The following PAM variants were observed in gnomAD, a reference collection of about 807,000 sequenced individuals.
PAM encodes the protein peptidyl-glycine alpha-amidating monooxygenase.
In PAM, 72 loss-of-function variants were observed where a neutral mutation model predicts 122.1. The observed-to-expected ratio is 0.59, with a 90% CI of 0.49 to 0.72. The LOEUF is 0.72. Ranked by LOEUF, PAM falls within the 30% of genes least tolerant of loss-of-function variation. The probability of loss-of-function intolerance (pLI) is 0.00; values close to 1 mark genes in which losing one functional copy is unlikely to be tolerated. For synonymous variants in PAM, 389 were observed against 404.4 expected (o/e 0.96, Z 0.46); for missense variants, 1,106 against 1,183.7 (o/e 0.93, Z 0.96).
intron 5 of PAM, among the ~76,000 whole-genome samples, chr5:102,924,519 G>A (rs1748701826): frequency 6.6e-6 from 1 of 151,722 alleles, no homozygotes; most frequent in Admixed American, 6.6e-5. Context: ...TGTAGGCACT[G>A]TTTGTTGCTT....
chr5:102,909,688 T>C (rs577911624), intron 4 of PAM, among the ~76,000 whole-genome samples: 2 of 152,020 alleles, frequency 1.3e-5, no homozygotes, highest in East Asian at 3.9e-4. Context: ...GTTCCATAGG[T>C]AATAATTTAA....
chr5:103,020,900 G>C (rs145469008), intron 23 of PAM, among the ~76,000 whole-genome samples: 1 of 152,246 alleles, frequency 6.6e-6, no homozygotes, highest in East Asian at 1.9e-4. Flanking sequence ...AGAGATCCAA[G>C]TGACACTACT....
At chr5:102,836,859 C>CGAGAGA (rs57617414) in intron 1 of PAM, among the ~76,000 whole-genome samples, 10,786 of 120,624 alleles carry the variant, frequency 0.089, 861 homozygotes, top group African/African-American at 0.16. Context: ...AGAAAGAAAC[C>CGAGAGA]GAGAGAGAGA....
chr5:102,891,240 A>G (rs1461072409), intron 3 of PAM, among the ~76,000 whole-genome samples: 1 of 151,884 alleles, frequency 6.6e-6, no homozygotes, highest in Non-Finnish European at 1.5e-5. Context: ...TCAAGGCGTC[A>G]CCCCTTAAAA....
rs1561998437 is a variant in PAM, at chr5:102,949,575, C to A, written c.682C>A (p.Pro228Thr). 1 of 1,551,810 alleles carries A rather than the reference C, an allele frequency of 6.4e-7. No individual in the cohort carries two copies. The highest frequency in any genetic ancestry group is 8.9e-7 in the Non-Finnish European group (1 of 1,123,488). ...SDISCHYKNY[P>T]MHVFAYRVHT... Reference sequence around the variant, plus strand: ...CATTTCATGCCATTATAAAAATTATCCAATGCATGTCTTTGCCTATAGAGT... The same window carrying A: ...CATTTCATGCCATTATAAAAATTATACAATGCATGTCTTTGCCTATAGAGT... Residue 228 changes from proline (P) to threonine (T), a missense_variant, in exon 10 of 26, where the codon CCA (proline) becomes ACA (threonine). By Grantham distance (38) the Pro-to-Thr change is conservative. Transcript: ENST00000438793.
chr5:102,772,729 CA>C (rs1438174703), intron 1 of PAM, among the ~76,000 whole-genome samples: 1 of 152,036 alleles, frequency 6.6e-6, no homozygotes, highest in African/African-American at 2.4e-5. Context: ...AACTATAACA[CA>C]AATACAATTT....
At chr5:102,791,780 T>C (rs1762130045) in intron 1 of PAM, among the ~76,000 whole-genome samples, 1 of 152,152 alleles carries the variant, frequency 6.6e-6, no homozygotes, top group Admixed American at 6.6e-5. Flanking sequence ...ATCCTGTCAA[T>C]TAATTAGTTG....
chr5:102,876,885 A>G (rs749934415), intron 3 of PAM, among the ~76,000 whole-genome samples: 23 of 152,204 alleles, frequency 1.5e-4, no homozygotes, highest in Non-Finnish European at 3.2e-4. Context: ...TCAAGCAAGC[A>G]CTTTAAGCGG....
At chr5:102,861,944 C>G (rs1784306521) in intron 1 of PAM, among the ~76,000 whole-genome samples, 1 of 152,018 alleles carries the variant, frequency 6.6e-6, no homozygotes, top group South Asian at 2.1e-4. Context: ...CTGAGACAGG[C>G]AGATCACTTG....
intron 3 of PAM, chr5:102,873,677 G>A (rs1214505253): frequency 6.6e-6 from 1 of 152,222 alleles, no homozygotes; most frequent in Non-Finnish European, 1.5e-5. Flanking sequence ...TAAGAATTAT[G>A]AGACCACATT....
intron 14 of PAM, among the ~76,000 whole-genome samples, chr5:102,969,188 G>A (rs1361208369): frequency 6.6e-6 from 1 of 151,164 alleles, no homozygotes; most frequent in African/African-American, 2.4e-5. Context: ...GGATACCTAT[G>A]TAACAAACCT....
chr5:102,788,454 A>G (rs894066191), intron 1 of PAM, among the ~76,000 whole-genome samples: 1 of 152,132 alleles, frequency 6.6e-6, no homozygotes, highest in Non-Finnish European at 1.5e-5. Flanking sequence ...GATAGAAACT[A>G]CGTTTCTCTC....
intron 15 of PAM, among the ~76,000 whole-genome samples, chr5:102,987,986 T>C (rs1772500208): frequency 6.6e-6 from 1 of 152,158 alleles, no homozygotes. Flanking sequence ...CCTCAAAATT[T>C]TCAGTAGAAG....
At chr5:102,868,015 C>T (rs755091147) in intron 3 of PAM, among the ~76,000 whole-genome samples, 13 of 151,452 alleles carry the variant, frequency 8.6e-5, no homozygotes, top group Non-Finnish European at 1.8e-4. Context: ...TAGGGCTTTC[C>T]CTCTTTTAGG....
intron 21 of PAM, among the ~76,000 whole-genome samples, chr5:103,016,437 A>G (rs1050747533): frequency 1.3e-5 from 2 of 152,208 alleles, no homozygotes; most frequent in Non-Finnish European, 2.9e-5. Context: ...CTGGCCTTAA[A>G]GGTGAAAGAT....
Position 102,877,840 on chromosome 5 carries a change from C to T in PAM, c.210+10447C>T, listed in dbSNP as rs142618887. ...GCCAGGAGTTTGAGACCAGCCTGGG[C>T]AACATGGAGAGATCCCCATCTCTAC... On this transcript the variant is annotated intron_variant, in intron 3 of 25. Transcript: ENST00000438793. 5.6e-4 allele frequency among the ~76,000 whole-genome samples: 85 copies of T among 152,104 alleles called. 1 individual carries two copies. The highest frequency in any genetic ancestry group is 2.0e-3 in the African/African-American group (83 of 41,478).
At chr5:102,948,785 T>C (rs1757824438) in intron 9 of PAM, among the ~76,000 whole-genome samples, 1 of 152,118 alleles carries the variant, frequency 6.6e-6, no homozygotes, top group African/African-American at 2.4e-5. Flanking sequence ...CATAAACTTC[T>C]ACATAGAAAG....
At chr5:102,930,640 A>G (rs1428760130) in intron 7 of PAM, among the ~76,000 whole-genome samples, 1 of 152,150 alleles carries the variant, frequency 6.6e-6, no homozygotes, top group Non-Finnish European at 1.5e-5. Flanking sequence ...CTTGATTCCT[A>G]AAGCACTCAG....
rs77595569 is a variant in PAM at position 102,861,343 on chromosome 5, T to C, written c.-373-4480T>C. On this transcript the variant is annotated intron_variant, in intron 1 of 25. Transcript: ENST00000438793. ...CAGCAATGGACAATTAACACAGATA[T>C]AGTGAGAAGAACACACCATCATTTC... Among the ~76,000 whole-genome samples, 882 of 152,328 alleles carry C rather than the reference T, an allele frequency of 5.8e-3. 23 individuals carry two copies. The South Asian group carries it at 0.093, about 16-fold the overall frequency.
Sources: gnomAD v4.1 joint callset for allele counts (sites outside exome capture counted in the v4.1 genomes callset) on GRCh38, gnomAD v4.1.1 for gene constraint, MANE v1.5 for transcripts, NCBI Gene and HGNC (gene_info 2026-07-23, HGNC 2026-07-21) for gene names.